GLIS1: variants seen among roughly 807,000 people sequenced by gnomAD.
GLIS1 encodes the protein zinc finger protein GLIS1.
In GLIS1, 24 loss-of-function variants were observed where a neutral mutation model predicts 63.8. The observed-to-expected ratio is 0.38, with a 90% CI of 0.27 to 0.53. The LOEUF (loss-of-function observed/expected upper bound fraction) is 0.53. GLIS1 is among the 20% of genes least tolerant of loss of function. The pLI, the probability that GLIS1 is intolerant of heterozygous loss-of-function variation, is 0.85. For missense variants in GLIS1, 1,036 were observed against 1,074.1 expected, an observed-to-expected ratio of 0.96 and a Z score of 0.50; for synonymous variants, 450 against 482.5, an observed-to-expected ratio of 0.93 and a Z score of 0.88.
At position 53,539,013 on chromosome 1, in the gene GLIS1, C is replaced by T. The variant is rs1342043585; in HGVS notation, c.1321-9061G>A. Among the ~76,000 whole-genome samples the T allele has an allele frequency of 6.6e-6, 1 of 152,050 alleles. No individual in the cohort carries two copies. Among genetic ancestry groups the T allele is most frequent in the South Asian group, 2.1e-4 (1 of 4,826 alleles). On this transcript the variant is annotated intron_variant, in intron 4 of 10. Transcript: ENST00000628545. The surrounding 1 kb of genome is among the most constrained non-coding windows in gnomAD (Gnocchi z 5.0). ...TGGACAGGTGGGATCCAGGGGCTCTCCCAGTGCAGAGCTGTGGCTAGACAT... is the reference window on the plus strand; with the variant it reads ...TGGACAGGTGGGATCCAGGGGCTCTTCCAGTGCAGAGCTGTGGCTAGACAT...
intron 2 of GLIS1, among the ~76,000 whole-genome samples, chr1:53,615,645 T>C (rs1557482652): frequency 6.6e-6 from 1 of 152,224 alleles, no homozygotes; most frequent in Non-Finnish European, 1.5e-5. Flanking sequence ...GATTCCAAAA[T>C]TCAAAATTTG....
At chr1:53,564,057 A>G (rs964685637) in intron 4 of GLIS1, among the ~76,000 whole-genome samples, 1 of 152,262 alleles carries the variant, frequency 6.6e-6, no homozygotes, top group African/African-American at 2.4e-5. Context: ...TATAAAATGT[A>G]TAAAAACTAA....
rs181656103 is a variant in GLIS1 at position 53,685,457 on chromosome 1, T to C, written c.259+52349A>G. Among the ~76,000 whole-genome samples the C allele has an allele frequency of 2.0e-5, 3 of 152,342 alleles. No individual in the cohort carries two copies. In the East Asian group the frequency reaches 5.8e-4, roughly 29 times the overall value. ...GTAATGAGTCTGACCTCCTCGGCAA[T>C]GTTTAATCAGAGCCTAATCGACCCT... On this transcript the variant is annotated intron_variant, in intron 2 of 10. Transcript: ENST00000628545.
chr1:53,579,059 T>TC (rs1399693776), intron 4 of GLIS1, among the ~76,000 whole-genome samples: 4 of 108,314 alleles, frequency 3.7e-5, no homozygotes, highest in Admixed American at 1.6e-4. Flanking sequence ...TAATTTAAAA[T>TC]CCAAAAAAAA....
chr1:53,696,712 G>A (rs940415276), intron 2 of GLIS1, among the ~76,000 whole-genome samples: 5 of 151,898 alleles, frequency 3.3e-5, no homozygotes, highest in African/African-American at 1.2e-4. Context: ...GTCCTCATAC[G>A]TGCTGTCTGC....
chr1:53,514,749 C>T lies in GLIS1; in HGVS notation c.1759G>A (p.Gly587Arg), dbSNP rs767707702. 14 of 1,607,356 alleles carry T rather than the reference C, an allele frequency of 8.7e-6. No homozygotes were observed. The highest frequency in any genetic ancestry group is 2.2e-5 in the South Asian group (2 of 89,508). Reference sequence around the variant, plus strand: ...GGGGGCAGGAGGCCCGATGCAAGTCCGTTATGGGGGGTGATGGAGCCAGGA... The same window carrying T: ...GGGGGCAGGAGGCCCGATGCAAGTCTGTTATGGGGGGTGATGGAGCCAGGA... ...VYPGSITPHN[G>R]LASGLLPPAH... Residue 587 changes from glycine to arginine, a missense_variant, in exon 8 of 11, where the codon GGA becomes AGA. By Grantham distance (125) the Gly-to-Arg change is moderately radical. Coordinates refer to ENST00000628545, the MANE Select transcript of GLIS1 (RefSeq NM_001367484.1).
At position 53,594,111 on chromosome 1, in the gene GLIS1, G is replaced by A. The variant is rs764287713; in HGVS notation, c.1317C>T (p.Cys439=). The stretch of plus-strand genomic sequence containing the variant: ...CTGGCGGCCGGTGGGAACTCACCAT[G>A]CACTTGTTGGGCTTCTCGCCCGAGT... ...RVHSGEKPNK[C]MFEGCSKAFS... Residue 439 remains cysteine (C), a synonymous_variant, in exon 4 of 11, where the codon TGC becomes TGT. Coordinates refer to ENST00000628545, the MANE Select transcript of GLIS1 (RefSeq NM_001367484.1). 2.5e-6 allele frequency: 4 copies of A among 1,607,254 alleles called. No homozygotes were observed. The highest frequency in any genetic ancestry group is 3.4e-6 in the Non-Finnish European group (4 of 1,175,316).
chr1:53,626,811 C>T (rs144807457), intron 2 of GLIS1, among the ~76,000 whole-genome samples: 10 of 152,362 alleles, frequency 6.6e-5, no homozygotes, highest in African/African-American at 2.2e-4. Context: ...ATCTGGCTCC[C>T]GTGCCTGCAG....
intron 2 of GLIS1, among the ~76,000 whole-genome samples, chr1:53,700,236 C>T (rs1214337960): frequency 6.6e-6 from 1 of 152,200 alleles, no homozygotes; most frequent in African/African-American, 2.4e-5. Context: ...CTGGATGCGC[C>T]CCCCAGGCCA....
chr1:53,670,433 T>C (rs1202415376), intron 2 of GLIS1, among the ~76,000 whole-genome samples: 1 of 152,212 alleles, frequency 6.6e-6, no homozygotes, highest in Non-Finnish European at 1.5e-5. Context: ...AGAAGACTGT[T>C]ATTGATTCAA....
chr1:53,706,423 G>A (rs1646579929), intron 2 of GLIS1, among the ~76,000 whole-genome samples: 1 of 152,252 alleles, frequency 6.6e-6, no homozygotes, highest in African/African-American at 2.4e-5. Context: ...GAGAGGAAGA[G>A]GGGCTCTTTC....
At chr1:53,596,371 A>C (rs1645255247) in intron 3 of GLIS1, among the ~76,000 whole-genome samples, 1 of 152,150 alleles carries the variant, frequency 6.6e-6, no homozygotes, top group South Asian at 2.1e-4. Context: ...CAGGGCTGAG[A>C]GTTAGGACAC....
chr1:53,602,738 G>A (rs1645330777), intron 2 of GLIS1, among the ~76,000 whole-genome samples: 1 of 152,152 alleles, frequency 6.6e-6, no homozygotes, highest in Admixed American at 6.5e-5. Flanking sequence ...TCTGTAAGAA[G>A]CAGGGCCACA....
chr1:53,559,909 T>G (rs530990474), intron 4 of GLIS1, among the ~76,000 whole-genome samples: 1 of 152,074 alleles, frequency 6.6e-6, no homozygotes, highest in Non-Finnish European at 1.5e-5. Flanking sequence ...TGTACACATA[T>G]GCTCACACAC....
intron 3 of GLIS1, among the ~76,000 whole-genome samples, chr1:53,599,435 C>A (rs919512974): frequency 6.6e-6 from 1 of 152,226 alleles, no homozygotes; most frequent in African/African-American, 2.4e-5. Context: ...CTGCAGAGGT[C>A]CAGCCAGCAA....
chr1:53,638,236 C>G (rs1272435828), intron 2 of GLIS1, among the ~76,000 whole-genome samples: 1 of 152,208 alleles, frequency 6.6e-6, no homozygotes, highest in African/African-American at 2.4e-5. Context: ...GGGAGGGTTC[C>G]TTGTTTCTCT....
At chr1:53,719,092 G>A (rs925225083) in intron 2 of GLIS1, among the ~76,000 whole-genome samples, 1 of 152,210 alleles carries the variant, frequency 6.6e-6, no homozygotes, top group African/African-American at 2.4e-5. Context: ...TCTTGGGCAG[G>A]ATCAGTTTGA....
intron 2 of GLIS1, among the ~76,000 whole-genome samples, chr1:53,659,269 A>T (rs3006904): frequency 0.058 from 8,804 of 152,194 alleles, 716 homozygotes; most frequent in African/African-American, 0.18. Flanking sequence ...GATGAGGGCA[A>T]TTGGGAACAG....
intron 2 of GLIS1, among the ~76,000 whole-genome samples, chr1:53,714,624 T>C (rs1646679143): frequency 6.6e-6 from 1 of 152,210 alleles, no homozygotes. Flanking sequence ...GGGGCTCACA[T>C]GAGATTAACA....
Sources: allele counts gnomAD v4.1 joint callset (sites outside exome capture counted in the v4.1 genomes callset), GRCh38; gene constraint gnomAD v4.1.1; non-coding constraint Gnocchi (gnomAD v3.1); transcripts MANE v1.5; gene names NCBI Gene and HGNC (gene_info 2026-07-23, HGNC 2026-07-21).